CACNA2D1: variants seen among roughly 807,000 people sequenced by gnomAD.
CACNA2D1 encodes calcium voltage-gated channel auxiliary subunit alpha2delta 1, also known as voltage-dependent calcium channel subunit alpha-2/delta-1.
In CACNA2D1, 53 loss-of-function variants were observed where a neutral mutation model predicts 171.5. The observed-to-expected ratio is 0.31, with a 90% confidence interval of 0.25 to 0.39. The LOEUF is 0.39. CACNA2D1 is among the 10% of genes least tolerant of loss of function. The pLI, the probability that CACNA2D1 is intolerant of heterozygous loss-of-function variation, is 1.00. For synonymous variants in CACNA2D1, 442 were observed against 443.1 expected (o/e 1.00, Z 0.03); for missense variants, 903 against 1,299.8 (o/e 0.69, Z 4.69).
In CACNA2D1 at chr7:82,236,619, G is replaced by T. The variant is rs574127020; in HGVS notation, c.295-66010C>A. On this transcript the variant is annotated intron_variant, in intron 3 of 38. Transcript: ENST00000356860. The stretch of plus-strand genomic sequence containing the variant: ...TATCAGAAAAATTGACTTAGAGTAA[G>T]CATTTTCTTCACTGATTAATATTAG... Among the ~76,000 whole-genome samples the T allele has an allele frequency of 1.3e-4, 20 of 152,162 alleles. No homozygotes were observed. In the South Asian group the frequency reaches 4.1e-3, roughly 31 times the overall value.
chr7:82,233,157 G>A (rs1030963442), intron 3 of CACNA2D1, among the ~76,000 whole-genome samples: 2 of 151,972 alleles, frequency 1.3e-5, no homozygotes, highest in African/African-American at 4.8e-5. Flanking sequence ...TATTTCAGGT[G>A]AAAGAATTAA....
In CACNA2D1 at chr7:82,032,863, C is replaced by T. The variant is rs1388726184; in HGVS notation, c.1077G>A (p.Met359Ile). 3.1e-6 allele frequency: 5 copies of T among 1,602,384 alleles called. No individual in the cohort carries two copies. The highest frequency in any genetic ancestry group is 4.3e-6 in the Non-Finnish European group (5 of 1,170,358). The change falls in exon 12 of 39, where the codon ATG (methionine) becomes ATA (isoleucine). Residue 359 changes from methionine to isoleucine, a missense_variant. Met to Ile is a conservative substitution (Grantham distance 10). Coordinates refer to ENST00000356860, the MANE Select transcript of CACNA2D1 (RefSeq NM_000722.4). ...TCTCTTCTCCTCCATCCGTGAATAGCATAATAATCTTATTGCAGTTTGCTC... is the reference window on the plus strand; with the variant it reads ...TCTCTTCTCCTCCATCCGTGAATAGTATAATAATCTTATTGCAGTTTGCTC... ...VSRANCNKII[M>I]LFTDGGEERA...
intron 3 of CACNA2D1, among the ~76,000 whole-genome samples, chr7:82,216,452 C>T (rs1801106843): frequency 6.6e-6 from 1 of 152,140 alleles, no homozygotes; most frequent in Non-Finnish European, 1.5e-5. Context: ...TTAACTTTCT[C>T]ACCACACAAA....
Position 82,274,208 on chromosome 7 carries a change from T to C in CACNA2D1, c.294+60927A>G, listed in dbSNP as rs543699300. Among the ~76,000 whole-genome samples, 3 of 134,252 alleles carry C rather than the reference T, an allele frequency of 2.2e-5. No homozygotes were observed. The South Asian group carries it at 6.2e-4, about 28-fold the overall frequency. 88.1% of individuals were successfully genotyped at this position (134,252 alleles called of 152,430 possible). On this transcript the variant is annotated intron_variant, in intron 3 of 38. Transcript: ENST00000356860. ...TCTCATGGCTCCTCTCACGACTGTA[T>C]CTTCCTCTCCAGTCACTGAGAGTAT...
chr7:82,002,208 T>A (rs1051959781), intron 18 of CACNA2D1, among the ~76,000 whole-genome samples: 1 of 152,164 alleles, frequency 6.6e-6, no homozygotes, highest in East Asian at 1.9e-4. Context: ...GGGTCCCTCA[T>A]GAATGGGACT....
At chr7:82,401,149 G>A (rs1426534165) in intron 1 of CACNA2D1, among the ~76,000 whole-genome samples, 25 of 152,302 alleles carry the variant, frequency 1.6e-4, no homozygotes, top group Admixed American at 4.6e-4. Flanking sequence ...TCAGTGTGGC[G>A]ATTCCTCAGG....
At chr7:82,331,317 C>T (rs1241664243) in intron 3 of CACNA2D1, among the ~76,000 whole-genome samples, 2 of 152,100 alleles carry the variant, frequency 1.3e-5, no homozygotes, top group African/African-American at 4.8e-5. Flanking sequence ...TATAAAATTA[C>T]ATTAGTGTCC....
intron 2 of CACNA2D1, among the ~76,000 whole-genome samples, chr7:82,342,795 G>C (rs1039281422): frequency 6.6e-6 from 1 of 152,090 alleles, no homozygotes; most frequent in Non-Finnish European, 1.5e-5. Flanking sequence ...GTAATACAAG[G>C]AGTTATGGGA....
intron 3 of CACNA2D1, among the ~76,000 whole-genome samples, chr7:82,221,768 T>A (rs1323743227): frequency 7.5e-6 from 1 of 133,246 alleles, no homozygotes; most frequent in African/African-American, 2.9e-5. Context: ...ATCAGTTCAC[T>A]GTTACCAAAA....
At chr7:82,103,099 C>T (rs934205218) in intron 6 of CACNA2D1, among the ~76,000 whole-genome samples, 1 of 151,862 alleles carries the variant, frequency 6.6e-6, no homozygotes, top group Non-Finnish European at 1.5e-5. Flanking sequence ...CTTGAGGGCA[C>T]GAGTTCGAGA....
At chr7:81,956,994 T>TTAATA (rs1328995646) in intron 38 of CACNA2D1, among the ~76,000 whole-genome samples, 6 of 152,236 alleles carry the variant, frequency 3.9e-5, no homozygotes, top group African/African-American at 1.4e-4. Flanking sequence ...CTAGAAGCAC[T>TTAATA]TATTCTAAAA....
chr7:82,097,957 T>A (rs535441879), intron 6 of CACNA2D1, among the ~76,000 whole-genome samples: 1 of 151,842 alleles, frequency 6.6e-6, no homozygotes, highest in South Asian at 2.1e-4. Context: ...CTACTAAAAA[T>A]ACAAAAATTA....
In CACNA2D1 at chr7:82,322,789, T is replaced by G. The variant is rs146967359; in HGVS notation, c.294+12346A>C. On this transcript the variant is annotated intron_variant, in intron 3 of 38. Transcript: ENST00000356860. ...TTTGACTTTAGAAGCTTTAAACAAT[T>G]ATGAAGAACAGATGCAAAGAACACC... 1.6e-3 allele frequency among the ~76,000 whole-genome samples: 250 copies of G among 152,232 alleles called. 3 individuals carry two copies. Among genetic ancestry groups the G allele is most frequent in the African/African-American group, 5.3e-3 (220 of 41,528 alleles).
chr7:82,116,593 AAG>A (rs1260075614), intron 6 of CACNA2D1, among the ~76,000 whole-genome samples: 1 of 152,176 alleles, frequency 6.6e-6, no homozygotes, highest in African/African-American at 2.4e-5. Flanking sequence ...GGGAGGGAAA[AAG>A]AGAGAGAGAC....
At chr7:82,412,038 A>G (rs2129455303) in intron 1 of CACNA2D1, among the ~76,000 whole-genome samples, 1 of 152,290 alleles carries the variant, frequency 6.6e-6, no homozygotes, top group Non-Finnish European at 1.5e-5. Flanking sequence ...CATAGGTGTC[A>G]CCAAACACAT....
At chr7:82,093,022 C>T (rs1811407206) in intron 6 of CACNA2D1, among the ~76,000 whole-genome samples, 1 of 151,798 alleles carries the variant, frequency 6.6e-6, no homozygotes, top group Admixed American at 6.5e-5. Context: ...TGTTTTCATG[C>T]ATACTATAGA....
intron 2 of CACNA2D1, among the ~76,000 whole-genome samples, chr7:82,340,472 ATT>A (rs112753388): frequency 6.1e-4 from 88 of 145,254 alleles, no homozygotes; most frequent in African/African-American, 2.1e-3. Flanking sequence ...CACCCAGTCT[ATT>A]TTTTTTTTTA....
chr7:82,255,701 G>A (rs1475805691), intron 3 of CACNA2D1, among the ~76,000 whole-genome samples: 2 of 152,168 alleles, frequency 1.3e-5, no homozygotes, highest in Non-Finnish European at 2.9e-5. Flanking sequence ...GATACATCCA[G>A]GAACCTAAAA....
At chr7:82,424,520 T>C (rs999375497) in intron 1 of CACNA2D1, among the ~76,000 whole-genome samples, 13 of 152,204 alleles carry the variant, frequency 8.5e-5, no homozygotes, top group Admixed American at 3.9e-4. Flanking sequence ...ATTGGCTAGT[T>C]TATGCAGGCA....
Sources: gnomAD v4.1 joint callset for allele counts (sites outside exome capture counted in the v4.1 genomes callset) on GRCh38, gnomAD v4.1.1 for gene constraint, MANE v1.5 for transcripts, NCBI Gene and HGNC (gene_info 2026-07-23, HGNC 2026-07-21) for gene names.